Variants in CHN2 observed in about 807,000 individuals in gnomAD.
CHN2 encodes beta-chimaerin.
A neutral mutation model predicts 56.3 loss-of-function variants in CHN2; 35 were observed. The ratio of observed to expected loss-of-function variants is 0.62; its 90% confidence interval spans 0.47 to 0.82. CHN2 has a LOEUF of 0.82. Ranked by LOEUF, CHN2 falls within the 40% of genes least tolerant of loss-of-function variation. The probability of loss-of-function intolerance (pLI) is 0.00; values close to 1 mark genes in which losing one functional copy is unlikely to be tolerated. For synonymous variants in CHN2, 210 were observed against 212.8 expected (o/e 0.99, Z 0.12); for missense variants, 491 against 580.5 (o/e 0.85, Z 1.58).
At chr7:29,219,610 TA>T (rs1785613153) in intron 1 of CHN2, among the ~76,000 whole-genome samples, 2 of 152,288 alleles carry the variant, frequency 1.3e-5, no homozygotes, top group South Asian at 4.1e-4. Flanking sequence ...GATACTTTAC[TA>T]AGTTTAAAAT....
intron 2 of CHN2, among the ~76,000 whole-genome samples, chr7:29,164,906 A>G (rs1249444966): frequency 2.0e-5 from 3 of 151,820 alleles, no homozygotes; most frequent in Non-Finnish European, 2.9e-5. Flanking sequence ...TGATCTTTGT[A>G]TATCTATCAT....
chr7:29,503,492 C>T (rs1323337647), intron 9 of CHN2, among the ~76,000 whole-genome samples: 3 of 152,278 alleles, frequency 2.0e-5, no homozygotes, highest in East Asian at 3.9e-4. Context: ...CCACAGGTTT[C>T]GTCTTGTGTG....
chr7:29,178,558 G>A (rs1797661648), intron 2 of CHN2, among the ~76,000 whole-genome samples: 1 of 152,066 alleles, frequency 6.6e-6, no homozygotes. Flanking sequence ...CTGACATGCT[G>A]TTTTATGTTC....
intron 6 of CHN2, among the ~76,000 whole-genome samples, chr7:29,450,158 A>C (rs1199537969): frequency 6.6e-6 from 1 of 152,184 alleles, no homozygotes; most frequent in African/African-American, 2.4e-5. Context: ...AGCATGAATC[A>C]TCAGTCTCCT....
At chr7:29,336,756 T>C (rs1796645523) in intron 1 of CHN2, among the ~76,000 whole-genome samples, 1 of 67,782 alleles carries the variant, frequency 1.5e-5, no homozygotes, top group African/African-American at 6.6e-5. Flanking sequence ...CAAGATTCTG[T>C]CTCAAAAAAA....
At chr7:29,239,975 A>G (rs1199994041) in intron 1 of CHN2, among the ~76,000 whole-genome samples, 1 of 152,212 alleles carries the variant, frequency 6.6e-6, no homozygotes, top group Non-Finnish European at 1.5e-5. Flanking sequence ...GACATTGGCA[A>G]CTAACTCAAA....
intron 2 of CHN2, among the ~76,000 whole-genome samples, chr7:29,186,732 A>G (rs989404694): frequency 6.6e-6 from 1 of 152,202 alleles, no homozygotes; most frequent in Non-Finnish European, 1.5e-5. Context: ...AAACAGGAAA[A>G]TACTTACCAT....
At chr7:29,335,232 T>C (rs993842976) in intron 1 of CHN2, among the ~76,000 whole-genome samples, 1 of 152,210 alleles carries the variant, frequency 6.6e-6, no homozygotes, top group Non-Finnish European at 1.5e-5. Context: ...CCAGTAGAAA[T>C]GCCTATTGCA....
At chr7:29,355,005 G>A (rs994363225) in intron 2 of CHN2, among the ~76,000 whole-genome samples, 1 of 149,942 alleles carries the variant, frequency 6.7e-6, no homozygotes, top group Non-Finnish European at 1.5e-5. Context: ...TTTCACTCTT[G>A]TTGCCCAGGC....
chr7:29,470,280 G>T (rs1785912926), intron 6 of CHN2, among the ~76,000 whole-genome samples: 1 of 152,210 alleles, frequency 6.6e-6, no homozygotes, highest in South Asian at 2.1e-4. Context: ...TCACACAGGA[G>T]ACCAGAAATA....
At chr7:29,239,889 C>T (rs1186598730) in intron 1 of CHN2, among the ~76,000 whole-genome samples, 1 of 152,210 alleles carries the variant, frequency 6.6e-6, no homozygotes, top group Non-Finnish European at 1.5e-5. Flanking sequence ...GGGAGAGGGA[C>T]CCATTGTTGC....
intron 1 of CHN2, among the ~76,000 whole-genome samples, chr7:29,241,756 G>T (rs1321672822): frequency 6.6e-6 from 1 of 152,048 alleles, no homozygotes; most frequent in South Asian, 2.1e-4. Context: ...GAGGAAAGAC[G>T]GCCTCACAGT....
rs956859821 is a variant in CHN2, at chr7:29,186,781, AT to A, written c.274+39831del. Among the ~76,000 whole-genome samples the A allele has an allele frequency of 1.8e-3, 277 of 149,988 alleles. 2 individuals carry two copies. Among genetic ancestry groups the A allele is most frequent in the African/African-American group, 6.3e-3 (258 of 40,998 alleles). ...AATTTCAAGTAAAAACTAAAGGGTAATTTTTTTTTTAGTGTGTATTGGAATG... is the reference window on the plus strand; with the variant it reads ...AATTTCAAGTAAAAACTAAAGGGTAATTTTTTTTTAGTGTGTATTGGAATG... On this transcript the variant is annotated intron_variant, in intron 2 of 6. Coordinates refer to the CHN2 transcript ENST00000439384.
chr7:29,365,374 A>C (rs1337746399), intron 2 of CHN2, among the ~76,000 whole-genome samples: 2 of 152,206 alleles, frequency 1.3e-5, no homozygotes, highest in Non-Finnish European at 2.9e-5. Context: ...GACTTACAAC[A>C]TGCAGGGAGA....
intron 6 of CHN2, among the ~76,000 whole-genome samples, chr7:29,428,176 A>G (rs1350734150): frequency 6.6e-6 from 1 of 152,212 alleles, no homozygotes. Flanking sequence ...GGACTATGAT[A>G]GCAACAACTT....
intron 1 of CHN2, chr7:29,293,064 C>T (rs1792770243): frequency 2.2e-6 from 1 of 455,034 alleles, no homozygotes; most frequent in Admixed American, 2.3e-5. Context: ...CTCCCCGCTT[C>T]CATTGCAAAG....
intron 6 of CHN2, among the ~76,000 whole-genome samples, chr7:29,443,095 C>T (rs55800442): frequency 0.12 from 18,639 of 149,874 alleles, 1,388 homozygotes; most frequent in Non-Finnish European, 0.17. Context: ...CGCCCGCCAC[C>T]GCGCCCGGCT....
intron 1 of CHN2, among the ~76,000 whole-genome samples, chr7:29,342,902 C>T (rs1485338456): frequency 1.3e-5 from 2 of 152,218 alleles, no homozygotes; most frequent in African/African-American, 4.8e-5. Flanking sequence ...TATTTCTTCT[C>T]CTAACTGATT....
At chr7:29,284,151 A>G (rs1223806338) in intron 1 of CHN2, among the ~76,000 whole-genome samples, 1 of 151,854 alleles carries the variant, frequency 6.6e-6, no homozygotes, top group South Asian at 2.1e-4. Context: ...GCTGAAGTGC[A>G]GTGGTGCGAT....
Sources: allele counts gnomAD v4.1 joint callset (sites outside exome capture counted in the v4.1 genomes callset), GRCh38; gene constraint gnomAD v4.1.1; transcripts MANE v1.5; gene names NCBI Gene and HGNC (gene_info 2026-07-23, HGNC 2026-07-21).